Variants in RNF41 observed in about 807,000 individuals in gnomAD.
RNF41 encodes E3 ubiquitin-protein ligase NRDP1.
Under a neutral mutation model 33.0 loss-of-function variants are expected in RNF41, and 4 were observed. That is an observed-to-expected ratio of 0.12 (90% CI 0.06 to 0.28). The LOEUF (loss-of-function observed/expected upper bound fraction) is 0.28, where lower values mean the gene tolerates loss of function less well. Among genes scored for constraint, RNF41 ranks in the 10% least tolerant of loss-of-function variants. The pLI is 1.00. For missense variants in RNF41, 228 were observed against 432.6 expected (o/e 0.53, Z 4.19); for synonymous variants, 164 against 153.2 (o/e 1.07, Z -0.52).
intron 1 of RNF41, among the ~76,000 whole-genome samples, chr12:56,220,261 T>C (rs1261787303): frequency 1.3e-5 from 2 of 151,628 alleles, no homozygotes; most frequent in East Asian, 3.9e-4. Flanking sequence ...GTTGCCCAGG[T>C]TGGAGTTCAG....
chr12:56,210,909 G>A (rs558105029), intron 3 of RNF41, among the ~76,000 whole-genome samples: 4 of 152,310 alleles, frequency 2.6e-5, no homozygotes, highest in Non-Finnish European at 4.4e-5. Context: ...GGCATAGGCC[G>A]GGCGCAGTGG....
At chr12:56,215,709 C>A (rs1868834047) in intron 2 of RNF41, among the ~76,000 whole-genome samples, 1 of 114,184 alleles carries the variant, frequency 8.8e-6, no homozygotes, top group Admixed American at 1.0e-4. Context: ...CAGAGCACGA[C>A]TCTGTCTCAA....
chr12:56,216,006 T>G (rs1387241821), intron 2 of RNF41, among the ~76,000 whole-genome samples: 2 of 150,320 alleles, frequency 1.3e-5, no homozygotes, highest in Non-Finnish European at 3.0e-5. Flanking sequence ...CCTGTAATCC[T>G]AGCTACTTGG....
intron 1 of RNF41, among the ~76,000 whole-genome samples, chr12:56,220,524 G>T (rs1869307234): frequency 6.6e-6 from 1 of 151,878 alleles, no homozygotes; most frequent in Admixed American, 6.6e-5. Flanking sequence ...GCTACAGTCA[G>T]AGGTTTGAGA....
At chr12:56,220,507 G>A (rs1417446980) in intron 1 of RNF41, among the ~76,000 whole-genome samples, 21 of 151,734 alleles carry the variant, frequency 1.4e-4, no homozygotes, top group Admixed American at 1.2e-3. Context: ...GTGAGCCACC[G>A]CGCCCGGCTA....
At chr12:56,220,618 C>A (rs1319584276) in intron 1 of RNF41, among the ~76,000 whole-genome samples, 1 of 151,266 alleles carries the variant, frequency 6.6e-6, no homozygotes, top group African/African-American at 2.4e-5. Context: ...CCTGTAATCC[C>A]AGCTATTCAA....
Position 56,203,186 on chromosome 12 carries a change from TTTTC to T in RNF41, c.*3257_*3260del, listed in dbSNP as rs1415103193. The T allele has an allele frequency of 8.4e-5, 1 of 11,934 alleles. No individual in the cohort carries two copies. Among genetic ancestry groups the T allele is most frequent in the African/African-American group, 8.5e-5 (1 of 11,762 alleles). The allele number at this position is 11,934 out of a possible 1,614,324, so 0.7% of individuals were successfully genotyped here. A position where few individuals can be genotyped will look rare whatever the true frequency, so the allele number is the denominator to read the frequency against. On this transcript the variant is annotated 3_prime_UTR_variant, in exon 7 of 7. Coordinates refer to ENST00000345093, the MANE Select transcript of RNF41 (RefSeq NM_005785.4). ...GGAAAAGATATCCCTTTTTCTTTTC[TTTTC>T]TTTTTTTTTTTTGAGACAGGCTCTT...
At chr12:56,221,283 G>A (rs973186443) in intron 1 of RNF41, among the ~76,000 whole-genome samples, 7 of 152,184 alleles carry the variant, frequency 4.6e-5, no homozygotes, top group African/African-American at 1.4e-4. Context: ...AGGGCTGGGA[G>A]GGGGTGAGGA....
At chr12:56,220,801 A>T (rs1039250689) in intron 1 of RNF41, among the ~76,000 whole-genome samples, 3 of 152,042 alleles carry the variant, frequency 2.0e-5, no homozygotes, top group Non-Finnish European at 4.4e-5. Flanking sequence ...TGCTTGACAA[A>T]AGCTTGTTCC....
intron 4 of RNF41, 55 bp downstream of exon 4, chr12:56,210,242 G>T: frequency 6.3e-7 from 1 of 1,581,204 alleles, no homozygotes; most frequent in South Asian, 1.1e-5. Context: ...GCCAGAGACA[G>T]GGGCATAAAT....
Position 56,208,257 on chromosome 12 carries a change from A to T in RNF41, c.404T>A (p.Ile135Asn). 6.2e-7 allele frequency: 1 copy of T among 1,614,200 alleles called. No homozygotes were observed. Among genetic ancestry groups the T allele is most frequent in the Non-Finnish European group, 8.5e-7 (1 of 1,180,032 alleles). ...CTGTACCACTGAGCGCAGGTGCTTA[A>T]TGCAGTTATGGTTGGGCAGCTCATC... ...PKDELPNHNCIKHLRSVVQQQ... is the reference protein window; with the variant it reads ...PKDELPNHNCNKHLRSVVQQQ... Residue 135 changes from isoleucine (I) to asparagine (N), a missense_variant, in exon 5 of 7, where the codon ATT becomes AAT. By Grantham distance (149) the Ile-to-Asn change is moderately radical. Coordinates refer to ENST00000345093, the MANE Select transcript of RNF41 (RefSeq NM_005785.4).
At chr12:56,221,518 C>T (rs1348624329) in intron 1 of RNF41, 2 of 152,574 alleles carry the variant, frequency 1.3e-5, no homozygotes, top group East Asian at 3.8e-4. Context: ...CCGGCCCCCT[C>T]CCGCACTTCT....
rs1878746991 is a variant in RNF41 at position 56,204,483 on chromosome 12, G to T, written c.*1964C>A. 6.6e-6 allele frequency: 1 copy of T among 152,258 alleles called. No homozygotes were observed. The highest frequency in any genetic ancestry group is 2.1e-4 in the South Asian group (1 of 4,834). 9.4% of individuals were successfully genotyped at this position (152,258 alleles called of 1,614,324 possible). On this transcript the variant is annotated 3_prime_UTR_variant, in exon 7 of 7. Transcript: ENST00000345093. ...GCAGAGGGGAAACCTTCTCAAGAAA[G>T]GGAGTAATGCTGAAGAATTTAGAGA...
Position 56,204,019 on chromosome 12 carries a change from TATAA to T in RNF41, c.*2424_*2427del, listed in dbSNP as rs1487738075. 1 of 152,172 alleles carries T rather than the reference TATAA, an allele frequency of 6.6e-6. No homozygotes were observed. Among genetic ancestry groups the T allele is most frequent in the East Asian group, 1.9e-4 (1 of 5,198 alleles). The allele number at this position is 152,172 out of a possible 1,614,324, so 9.4% of individuals were successfully genotyped here. A position where few individuals can be genotyped will look rare whatever the true frequency, so the allele number is the denominator to read the frequency against. ...CGCGCCCGGCTATGAAGACTATTTT[TATAA>T]GTAAATAATTATGAAACCTCTGCAA... On this transcript the variant is annotated 3_prime_UTR_variant, in exon 7 of 7. Transcript: ENST00000345093.
In RNF41 at chr12:56,214,088, A is replaced by G; in HGVS notation, c.-23-18T>C. 3 of 1,330,760 alleles carry G rather than the reference A, an allele frequency of 2.3e-6. No individual in the cohort carries two copies. The highest frequency in any genetic ancestry group is 3.3e-6 in the Non-Finnish European group (3 of 921,656). 82.4% of individuals were successfully genotyped at this position (1,330,760 alleles called of 1,614,324 possible). ...CCCAGGTCCTGAAAGGACAACAGGA[A>G]AAAGAGGCCAGTTCAGAAGAAGCCT... On this transcript the variant is annotated intron_variant, in intron 2 of 6. Coordinates refer to ENST00000345093, the MANE Select transcript of RNF41 (RefSeq NM_005785.4).
chr12:56,212,354 G>C (rs1868545040), intron 3 of RNF41, among the ~76,000 whole-genome samples: 1 of 152,126 alleles, frequency 6.6e-6, no homozygotes, highest in South Asian at 2.1e-4. Flanking sequence ...ATGATGTGGG[G>C]AAATCAGCAT....
intron 4 of RNF41, chr12:56,208,630 T>G (rs554540047): frequency 6.0e-6 from 1 of 166,220 alleles, no homozygotes; most frequent in African/African-American, 2.4e-5. Flanking sequence ...GATGGCATGA[T>G]CTCAGCTCAG....
intron 4 of RNF41, chr12:56,208,499 C>T: frequency 2.2e-6 from 1 of 463,662 alleles, no homozygotes; most frequent in Non-Finnish European, 3.8e-6. Flanking sequence ...GTCTATTTTC[C>T]TTAAATTTCT....
At chr12:56,213,057 C>T (rs1487027622) in intron 3 of RNF41, 1 of 1,289,736 alleles carries the variant, frequency 7.8e-7, no homozygotes, top group South Asian at 1.2e-5. Context: ...TCTGGTCTGG[C>T]AAGGCTGGCA....
Sources: allele counts gnomAD v4.1 joint callset (sites outside exome capture counted in the v4.1 genomes callset), GRCh38; gene constraint gnomAD v4.1.1; transcripts MANE v1.5; gene names NCBI Gene and HGNC (gene_info 2026-07-23, HGNC 2026-07-21).